The following PHACTR4 variants were observed in gnomAD, a reference collection of about 807,000 sequenced individuals.
PHACTR4 encodes phosphatase and actin regulator 4, also known as protein phosphatase 1, regulatory subunit 124.
PHACTR4 carries 51 observed loss-of-function variants against 72.7 expected under a neutral mutation model. The ratio of observed to expected loss-of-function variants is 0.70; its 90% CI spans 0.56 to 0.89. PHACTR4 has a LOEUF of 0.89. Among genes scored for constraint, PHACTR4 ranks in the 40% least tolerant of loss-of-function variants. The pLI is 0.00. For synonymous variants in PHACTR4, 255 were observed against 302.5 expected (o/e 0.84, Z 1.63); for missense variants, 731 against 861.8 (o/e 0.85, Z 1.90).
intron 1 of PHACTR4, among the ~76,000 whole-genome samples, chr1:28,384,194 A>G (rs1212531459): frequency 6.6e-6 from 1 of 152,114 alleles, no homozygotes; most frequent in Non-Finnish European, 1.5e-5. Flanking sequence ...GTTAGGAAGG[A>G]GTCCCTCCTC....
At position 28,381,302 on chromosome 1, in the gene PHACTR4, C is replaced by CT. The variant is rs55790699; in HGVS notation, c.-39+11491dup. On this transcript the variant is annotated intron_variant, in intron 1 of 13. Transcript: ENST00000373839. ...ACAGCCGTGAGCCACTGCGCCTGGC[C>CT]TTTTTTTTTTTTTTGAGACGGAGTC... is the stretch of plus-strand genomic sequence containing the variant. Among the ~76,000 whole-genome samples the CT allele has an allele frequency of 6.9e-3, 768 of 111,956 alleles. 61 individuals carry two copies. In the East Asian group the frequency reaches 0.16, roughly 23 times the overall value. 73.4% of individuals were successfully genotyped at this position (111,956 alleles called of 152,430 possible).
intron 1 of PHACTR4, among the ~76,000 whole-genome samples, chr1:28,389,393 G>GA (rs1004476486): frequency 6.8e-6 from 1 of 147,612 alleles, no homozygotes; most frequent in Non-Finnish European, 1.5e-5. Context: ...AAAATTAAAA[G>GA]AAAAAAAATA....
intron 2 of PHACTR4, among the ~76,000 whole-genome samples, chr1:28,440,025 G>GGC (rs1355050554): frequency 2.0e-5 from 3 of 152,246 alleles, no homozygotes; most frequent in Admixed American, 6.5e-5. Flanking sequence ...TCTGAGGCCG[G>GGC]GCGCGGTGGC....
intron 2 of PHACTR4, chr1:28,457,410 A>G (rs886402959): frequency 8.0e-6 from 3 of 375,240 alleles, no homozygotes; most frequent in African/African-American, 2.1e-5. Flanking sequence ...ACCCTGAGCA[A>G]TTTGGTGAGA....
intron 6 of PHACTR4, among the ~76,000 whole-genome samples, chr1:28,470,393 T>TA (rs889675274): frequency 4.0e-5 from 6 of 149,208 alleles, no homozygotes; most frequent in African/African-American, 1.2e-4. Flanking sequence ...ATCCTGTCTC[T>TA]AAAAAAAAAG....
chr1:28,422,501 C>T (rs1655571548), intron 2 of PHACTR4: 1 of 152,086 alleles, frequency 6.6e-6, no homozygotes. Context: ...AACAAATCCC[C>T]CTTGGATACT....
intron 2 of PHACTR4, among the ~76,000 whole-genome samples, chr1:28,440,117 C>T (rs1430186519): frequency 6.6e-6 from 1 of 151,632 alleles, no homozygotes; most frequent in African/African-American, 2.4e-5. Context: ...CTGGCTAACA[C>T]GGTGAAACCC....
At chr1:28,370,073 G>GC (rs894316204) in intron 1 of PHACTR4, among the ~76,000 whole-genome samples, 5 of 151,876 alleles carry the variant, frequency 3.3e-5, no homozygotes, top group African/African-American at 1.2e-4. Context: ...CGCCCTCTCC[G>GC]CCCCCCGAGA....
chr1:28,473,044 G>T lies in PHACTR4; in HGVS notation c.824-510G>T, dbSNP rs541608274. ...AATCCCAACACTTTGAGAGGCCAAGGCAGGTGGATCATTTGAGGTCAGGAG... is the reference window on the plus strand; with the variant it reads ...AATCCCAACACTTTGAGAGGCCAAGTCAGGTGGATCATTTGAGGTCAGGAG... On this transcript the variant is annotated intron_variant, in intron 6 of 13. Transcript: ENST00000373839. 2.7e-5 allele frequency among the ~76,000 whole-genome samples: 4 copies of T among 150,730 alleles called. No individual in the cohort carries two copies. In the South Asian group the frequency reaches 6.3e-4, roughly 24 times the overall value.
At chr1:28,453,630 A>G in intron 2 of PHACTR4, 1 of 1,255,820 alleles carries the variant, frequency 8.0e-7, no homozygotes, top group South Asian at 1.2e-5. Context: ...AAACAAATAG[A>G]GAAGAGAGAC....
chr1:28,438,034 C>A, intron 2 of PHACTR4: 1 of 584,176 alleles, frequency 1.7e-6, no homozygotes, highest in Non-Finnish European at 2.1e-6. Context: ...GCTCAAAAGT[C>A]AGGAACGGGG....
At chr1:28,432,371 C>CTCT (rs991500447) in intron 2 of PHACTR4, among the ~76,000 whole-genome samples, 3 of 135,608 alleles carry the variant, frequency 2.2e-5, no homozygotes, top group African/African-American at 8.2e-5. Flanking sequence ...CTCTCTCTCT[C>CTCT]TTTTTTTTTT....
At chr1:28,382,545 C>T (rs542063184) in intron 1 of PHACTR4, among the ~76,000 whole-genome samples, 118 of 152,084 alleles carry the variant, frequency 7.8e-4, no homozygotes, top group South Asian at 3.7e-3. Flanking sequence ...CCTCGTGATC[C>T]GCCCGCCTCA....
chr1:28,387,568 T>C (rs957420810), intron 1 of PHACTR4, among the ~76,000 whole-genome samples: 1 of 152,064 alleles, frequency 6.6e-6, no homozygotes, highest in East Asian at 1.9e-4. Flanking sequence ...ATTCAGGATA[T>C]CAGTGCACCT....
At position 28,473,923 on chromosome 1, in the gene PHACTR4, T is replaced by C. The variant is rs913148297; in HGVS notation, c.1193T>C (p.Ile398Thr). 43 of 1,614,184 alleles carry C rather than the reference T, an allele frequency of 2.7e-5. No homozygotes were observed. The highest frequency in any genetic ancestry group is 3.6e-5 in the Non-Finnish European group (42 of 1,180,030). The change falls in exon 7 of 14, where the codon ATA becomes ACA. Residue 398 changes from isoleucine (I) to threonine (T), a missense_variant. Transcript: ENST00000373839. The part of the protein sequence containing the change: ...EDQKKEVPKR[I>T]LDQNFGEPHI... ...CAGAAAAAGGAAGTCCCCAAGAGGA[T>C]ACTGGACCAGAACTTTGGGGAGCCC...
chr1:28,467,542 A>C (rs1268738799), intron 6 of PHACTR4, among the ~76,000 whole-genome samples: 1 of 152,120 alleles, frequency 6.6e-6, no homozygotes, highest in Admixed American at 6.6e-5. Context: ...TCAAATGAAA[A>C]TTTTTAAATC....
At chr1:28,480,366 TCAGA>T in intron 8 of PHACTR4, 81 bp from the exon 9 acceptor site, 1 of 1,476,988 alleles carries the variant, frequency 6.8e-7, no homozygotes, top group Non-Finnish European at 9.3e-7. Flanking sequence ...TTGTATTTGT[TCAGA>T]CTCTTGACTA....
At chr1:28,375,881 C>G (rs1354369545) in intron 1 of PHACTR4, among the ~76,000 whole-genome samples, 1 of 152,074 alleles carries the variant, frequency 6.6e-6, no homozygotes, top group Admixed American at 6.6e-5. Context: ...ACCAGCCTGA[C>G]CAACATGGAG....
chr1:28,443,641 G>T (rs1338790595), intron 2 of PHACTR4, among the ~76,000 whole-genome samples: 1 of 151,740 alleles, frequency 6.6e-6, no homozygotes, highest in East Asian at 1.9e-4. Flanking sequence ...ACGAAACGAG[G>T]TCTCACTCTC....
Sources: gnomAD v4.1 joint callset for allele counts (sites outside exome capture counted in the v4.1 genomes callset) on GRCh38, gnomAD v4.1.1 for gene constraint, MANE v1.5 for transcripts, NCBI Gene and HGNC (gene_info 2026-07-23, HGNC 2026-07-21) for gene names.